LRRTM4: variants seen among roughly 807,000 people sequenced by gnomAD.
LRRTM4 encodes leucine-rich repeat transmembrane neuronal protein 4.
A neutral mutation model predicts 47.6 loss-of-function variants in LRRTM4; 25 were observed. That is an observed-to-expected ratio of 0.53 (90% CI 0.38 to 0.73). The LOEUF is 0.73. Ranked by LOEUF, LRRTM4 falls within the 30% of genes least tolerant of loss-of-function variation. The pLI is 0.00. For missense variants in LRRTM4, 638 were observed against 713.4 expected, an observed-to-expected ratio of 0.89 and a Z score of 1.20; for synonymous variants, 311 against 269.5, an observed-to-expected ratio of 1.15 and a Z score of -1.51.
chr2:77,367,025 C>A (rs985228346), intron 3 of LRRTM4, among the ~76,000 whole-genome samples: 1 of 151,748 alleles, frequency 6.6e-6, no homozygotes. Flanking sequence ...CCATCCCTGC[C>A]ACATAATTCC....
intron 3 of LRRTM4, among the ~76,000 whole-genome samples, chr2:76,948,924 C>T (rs897377150): frequency 6.6e-6 from 1 of 151,742 alleles, no homozygotes; most frequent in Non-Finnish European, 1.5e-5. Context: ...AAATATTTTA[C>T]TGATTTTGAT....
intron 3 of LRRTM4, among the ~76,000 whole-genome samples, chr2:76,901,897 T>C (rs1673650247): frequency 6.6e-6 from 1 of 152,198 alleles, no homozygotes; most frequent in African/African-American, 2.4e-5. Flanking sequence ...TAACTTCTGA[T>C]GATTAGCAAC....
intron 3 of LRRTM4, among the ~76,000 whole-genome samples, chr2:76,777,190 T>C (rs1674057409): frequency 1.3e-5 from 2 of 150,714 alleles, no homozygotes; most frequent in South Asian, 4.4e-4. Context: ...AGTCAGGGAG[T>C]GTGATGCATC....
At chr2:77,386,704 G>A (rs1177683801) in intron 3 of LRRTM4, among the ~76,000 whole-genome samples, 2 of 151,984 alleles carry the variant, frequency 1.3e-5, no homozygotes, top group Non-Finnish European at 2.9e-5. Flanking sequence ...ACCAAACACC[G>A]CATGTTCTCA....
At chr2:76,989,477 T>A (rs1274769011) in intron 3 of LRRTM4, among the ~76,000 whole-genome samples, 2 of 151,928 alleles carry the variant, frequency 1.3e-5, no homozygotes, top group African/African-American at 2.4e-5. Context: ...ATTGCATATG[T>A]TGGATATAGT....
intron 3 of LRRTM4, among the ~76,000 whole-genome samples, chr2:77,447,825 T>A (rs985786523): frequency 2.6e-5 from 4 of 152,184 alleles, no homozygotes; most frequent in African/African-American, 9.6e-5. Flanking sequence ...AGACCCCGAC[T>A]GTAGTTTAAT....
At chr2:76,864,973 C>T (rs112086939) in intron 3 of LRRTM4, among the ~76,000 whole-genome samples, 3,884 of 151,316 alleles carry the variant, frequency 0.026, 77 homozygotes, top group Non-Finnish European at 0.039. Context: ...CTGGCTCAAG[C>T]GATTCTTCTG....
At chr2:76,796,252 C>A (rs1287875803) in intron 3 of LRRTM4, among the ~76,000 whole-genome samples, 1 of 74,284 alleles carries the variant, frequency 1.3e-5, no homozygotes, top group Non-Finnish European at 2.3e-5. Context: ...GGGTGCCCGC[C>A]ATTGAACAGG....
chr2:77,290,713 A>G (rs1439442856), intron 3 of LRRTM4, among the ~76,000 whole-genome samples: 1 of 152,094 alleles, frequency 6.6e-6, no homozygotes, highest in Non-Finnish European at 1.5e-5. Context: ...TAAAAAATTA[A>G]GTCCAACCTC....
chr2:76,974,633 CAT>C (rs924821311), intron 3 of LRRTM4, among the ~76,000 whole-genome samples: 1 of 151,500 alleles, frequency 6.6e-6, no homozygotes, highest in African/African-American at 2.4e-5. Flanking sequence ...AGTGGAATTT[CAT>C]ATCACTACAA....
chr2:77,163,373 G>A (rs1028360128), intron 3 of LRRTM4, among the ~76,000 whole-genome samples: 2 of 152,082 alleles, frequency 1.3e-5, no homozygotes, highest in African/African-American at 2.4e-5. Context: ...AAAGTGATGG[G>A]GATAATGGAA....
intron 3 of LRRTM4, among the ~76,000 whole-genome samples, chr2:77,219,680 G>A (rs971755413): frequency 2.0e-5 from 3 of 152,174 alleles, no homozygotes; most frequent in African/African-American, 7.2e-5. Context: ...ATGTTTGGCA[G>A]AAAAGAACCT....
chr2:77,343,195 T>C (rs1671438597), intron 3 of LRRTM4, among the ~76,000 whole-genome samples: 2 of 152,012 alleles, frequency 1.3e-5, no homozygotes, highest in Admixed American at 6.6e-5. Context: ...AAAAGAGCTC[T>C]ACAGACACAG....
At chr2:77,232,892 A>G (rs1675006427) in intron 3 of LRRTM4, among the ~76,000 whole-genome samples, 2 of 152,204 alleles carry the variant, frequency 1.3e-5, no homozygotes, top group African/African-American at 4.8e-5. Context: ...CATATCTTTT[A>G]GTTCTGAGAG....
intron 3 of LRRTM4, among the ~76,000 whole-genome samples, chr2:76,855,357 C>T (rs1047710493): frequency 1.3e-5 from 2 of 152,114 alleles, no homozygotes; most frequent in Non-Finnish European, 2.9e-5. Flanking sequence ...ACATGAAATC[C>T]AGAACCTGAG....
chr2:77,428,817 C>T (rs375206417), intron 3 of LRRTM4, among the ~76,000 whole-genome samples: 5 of 152,060 alleles, frequency 3.3e-5, no homozygotes, highest in African/African-American at 9.7e-5. Flanking sequence ...AGTTTAATTG[C>T]CTTGTGATTA....
At chr2:77,430,581 C>A (rs559767596) in intron 3 of LRRTM4, among the ~76,000 whole-genome samples, 1 of 148,670 alleles carries the variant, frequency 6.7e-6, no homozygotes, top group South Asian at 2.1e-4. Context: ...ATTAGACGGG[C>A]GTGGTGGCAC....
chr2:77,189,863 T>C (rs1201666930), intron 3 of LRRTM4, among the ~76,000 whole-genome samples: 1 of 152,114 alleles, frequency 6.6e-6, no homozygotes, highest in Non-Finnish European at 1.5e-5. Context: ...ACAATATCTA[T>C]GTATGTATAC....
At chr2:76,993,060 G>A (rs1036562268) in intron 3 of LRRTM4, among the ~76,000 whole-genome samples, 2 of 151,654 alleles carry the variant, frequency 1.3e-5, no homozygotes, top group African/African-American at 4.8e-5. Context: ...TTGGATACCT[G>A]GCTAATCTGT....
Sources: gnomAD v4.1 joint callset for allele counts (sites outside exome capture counted in the v4.1 genomes callset) on GRCh38, gnomAD v4.1.1 for gene constraint, MANE v1.5 for transcripts, NCBI Gene and HGNC (gene_info 2026-07-23, HGNC 2026-07-21) for gene names.